The following MLLT1 variants were observed in gnomAD, a reference collection of about 807,000 sequenced individuals.
MLLT1 encodes the protein protein ENL.
A neutral mutation model predicts 55.1 loss-of-function variants in MLLT1; 11 were observed. The observed-to-expected ratio is 0.20, with a 90% CI of 0.13 to 0.33. The LOEUF (loss-of-function observed/expected upper bound fraction) is 0.33. Among genes scored for constraint, MLLT1 ranks in the 10% least tolerant of loss-of-function variants. MLLT1 has a pLI of 1.00. For synonymous variants in MLLT1, 323 were observed against 320.1 expected (o/e 1.01, Z -0.10); for missense variants, 536 against 760.6 (o/e 0.70, Z 3.47).
At position 6,230,766 on chromosome 19, in the gene MLLT1, G is replaced by A. The variant is rs182990279; in HGVS notation, c.277-53C>T. 35 of 1,603,402 alleles carry A rather than the reference G, an allele frequency of 2.2e-5. No homozygotes were observed. The East Asian group carries it at 6.9e-4, about 32-fold the overall frequency. On this transcript the variant is annotated intron_variant, in intron 3 of 11. Transcript: ENST00000252674. This position sits in a 1 kb window ranked among gnomAD's most constrained non-coding sequence, Gnocchi z 9.0. The stretch of plus-strand genomic sequence containing the variant: ...CATCAGAGGGTGGCCGTGGTGCAGG[G>A]ACACAGCTCCCCATTGGCCCTGGTC...
At chr19:6,254,590 C>A (rs993229845) in intron 3 of MLLT1, among the ~76,000 whole-genome samples, 25 of 152,170 alleles carry the variant, frequency 1.6e-4, no homozygotes, top group African/African-American at 5.8e-4. Context: ...TGCAGGACCC[C>A]CAAGTGGTGT....
intron 8 of MLLT1, among the ~76,000 whole-genome samples, chr19:6,216,082 C>T (rs1227500484): frequency 6.6e-6 from 1 of 152,146 alleles, no homozygotes; most frequent in Non-Finnish European, 1.5e-5. Flanking sequence ...CCTCCCCCCA[C>T]CTCCAGCCTG....
At chr19:6,266,905 A>C (rs2091353241) in intron 2 of MLLT1, among the ~76,000 whole-genome samples, 1 of 152,188 alleles carries the variant, frequency 6.6e-6, no homozygotes, top group African/African-American at 2.4e-5. Context: ...TGGCTGGATA[A>C]GAGTCCGTTG....
intron 3 of MLLT1, among the ~76,000 whole-genome samples, chr19:6,243,565 C>T (rs1044085855): frequency 6.6e-6 from 1 of 152,148 alleles, no homozygotes; most frequent in Non-Finnish European, 1.5e-5. Context: ...CCAGAGGACT[C>T]GACCCCTTAT....
In MLLT1 at chr19:6,262,416, C is replaced by T; in HGVS notation, c.194-106G>A. 2.3e-6 allele frequency: 2 copies of T among 885,948 alleles called. No individual in the cohort carries two copies. The highest frequency in any genetic ancestry group is 1.7e-5 in the African/African-American group (1 of 60,046). 54.9% of individuals were successfully genotyped at this position (885,948 alleles called of 1,614,324 possible). ...CAACCCCACCACCTCCTCACAGGGG[C>T]TTGGCTGGCCTCTCGGGGGTGGCTT... is the stretch of plus-strand genomic sequence containing the variant. On this transcript the variant is annotated intron_variant, in intron 2 of 11. Coordinates refer to ENST00000252674, the MANE Select transcript of MLLT1 (RefSeq NM_005934.4). The surrounding 1 kb of genome is among the most constrained non-coding windows in gnomAD (Gnocchi z 4.4).
At chr19:6,253,153 T>TAC (rs1239594722) in intron 3 of MLLT1, among the ~76,000 whole-genome samples, 3 of 149,242 alleles carry the variant, frequency 2.0e-5, no homozygotes, top group Non-Finnish European at 4.4e-5. Flanking sequence ...TAGTCCCAGC[T>TAC]ACTCGGGAGG....
intron 1 of MLLT1, among the ~76,000 whole-genome samples, chr19:6,276,553 C>T (rs1228978520): frequency 6.6e-6 from 1 of 152,100 alleles, no homozygotes; most frequent in East Asian, 1.9e-4. Context: ...ATGCTGACAC[C>T]ACCTCCCAGC....
rs2090879339 is a variant in MLLT1 at position 6,219,921 on chromosome 19, T to C, written c.1111-1880A>G. ...ATCCAAGGGGCAGGGAGGAAAAGAA[T>C]CCGGAAATGGTCTCAGCCAGAAGAG... On this transcript the variant is annotated intron_variant, in intron 6 of 11. Coordinates refer to ENST00000252674, the MANE Select transcript of MLLT1 (RefSeq NM_005934.4). This position sits in a 1 kb window ranked among gnomAD's most constrained non-coding sequence, Gnocchi z 4.5. Among the ~76,000 whole-genome samples the C allele has an allele frequency of 6.6e-6, 1 of 151,900 alleles. No homozygotes were observed. The highest frequency in any genetic ancestry group is 6.6e-5 in the Admixed American group (1 of 15,264).
At chr19:6,243,667 C>CT (rs2091137345) in intron 3 of MLLT1, among the ~76,000 whole-genome samples, 3 of 152,126 alleles carry the variant, frequency 2.0e-5, no homozygotes, top group African/African-American at 7.2e-5. Context: ...GCCCCAGCCC[C>CT]GCTTCATCAC....
intron 6 of MLLT1, among the ~76,000 whole-genome samples, chr19:6,218,716 G>A (rs1221670161): frequency 1.3e-5 from 2 of 152,244 alleles, no homozygotes; most frequent in East Asian, 3.8e-4. Flanking sequence ...CCAGGACAGA[G>A]GGTGACAGTG....
At chr19:6,239,039 C>T (rs1401275789) in intron 3 of MLLT1, among the ~76,000 whole-genome samples, 5 of 152,358 alleles carry the variant, frequency 3.3e-5, no homozygotes, top group Admixed American at 3.3e-4. Flanking sequence ...GGTTTCGTGG[C>T]ATCTGGCCAT....
chr19:6,230,030 C>A lies in MLLT1; in HGVS notation c.420+540G>T, dbSNP rs1287233632. ...ACGCCCCCCTCCTCCATAACCACCA[C>A]CAGCCCTGCGCCCACCCTGTTGCCA... On this transcript the variant is annotated intron_variant, in intron 4 of 11. Transcript: ENST00000252674. This position sits in a 1 kb window ranked among gnomAD's most constrained non-coding sequence, Gnocchi z 9.0. Among the ~76,000 whole-genome samples the A allele has an allele frequency of 6.6e-6, 1 of 152,112 alleles. No individual in the cohort carries two copies. Among genetic ancestry groups the A allele is most frequent in the Non-Finnish European group, 1.5e-5 (1 of 68,022 alleles).
chr19:6,212,731 A>T lies in MLLT1; in HGVS notation c.*311T>A. On this transcript the variant is annotated 3_prime_UTR_variant, in exon 12 of 12. Coordinates refer to ENST00000252674, the MANE Select transcript of MLLT1 (RefSeq NM_005934.4). Reference sequence around the variant, plus strand: ...CCGCCGAGCAGTGGGGGCTGGTCCCAAGGCTGGGCGAGGGGCCCCCGGCCC... The same window carrying T: ...CCGCCGAGCAGTGGGGGCTGGTCCCTAGGCTGGGCGAGGGGCCCCCGGCCC... The T allele has an allele frequency of 1.7e-6, 2 of 1,159,160 alleles. No homozygotes were observed. Among genetic ancestry groups the T allele is most frequent in the African/African-American group, 1.6e-5 (1 of 61,934 alleles). The allele number at this position is 1,159,160 out of a possible 1,614,324, so 71.8% of individuals were successfully genotyped here. A position where few individuals can be genotyped will look rare whatever the true frequency, so the allele number is the denominator to read the frequency against.
At chr19:6,269,982 A>C (rs565650539) in intron 2 of MLLT1, among the ~76,000 whole-genome samples, 1 of 151,914 alleles carries the variant, frequency 6.6e-6, no homozygotes, top group African/African-American at 2.4e-5. Flanking sequence ...CCTAGGGCTC[A>C]CTTCCCCAGG....
intron 2 of MLLT1, among the ~76,000 whole-genome samples, chr19:6,268,586 G>C (rs1219473287): frequency 6.6e-6 from 1 of 152,212 alleles, no homozygotes; most frequent in Non-Finnish European, 1.5e-5. Context: ...TCAATCCAGA[G>C]GCTGGAGTGC....
chr19:6,242,716 G>A lies in MLLT1; in HGVS notation c.277-12003C>T, dbSNP rs918979631. 3.9e-5 allele frequency among the ~76,000 whole-genome samples: 6 copies of A among 152,234 alleles called. No homozygotes were observed. The East Asian group carries it at 9.7e-4, about 25-fold the overall frequency. ...CGTCAGGGGCAGGGCAAGTTTTACC[G>A]CCCCAAACAGCCACACTCCCCTTTC... On this transcript the variant is annotated intron_variant, in intron 3 of 11. Transcript: ENST00000252674.
rs985514082 is a variant in MLLT1, at chr19:6,212,138, G to C, written c.*904C>G. On this transcript the variant is annotated 3_prime_UTR_variant, in exon 12 of 12. Transcript: ENST00000252674. The stretch of plus-strand genomic sequence containing the variant: ...ATGGGAGGAGGCCGAGCCCCAGGGC[G>C]GCTGATGCGAGTCTGTCCGCGGAGA... 1 of 1,065,994 alleles carries C rather than the reference G, an allele frequency of 9.4e-7. No individual in the cohort carries two copies. Among genetic ancestry groups the C allele is most frequent in the Non-Finnish European group, 1.1e-6 (1 of 879,472 alleles). 66.0% of individuals were successfully genotyped at this position (1,065,994 alleles called of 1,614,324 possible).
chr19:6,234,942 G>C (rs895985920), intron 3 of MLLT1, among the ~76,000 whole-genome samples: 7 of 151,868 alleles, frequency 4.6e-5, no homozygotes, highest in African/African-American at 1.7e-4. Flanking sequence ...GGCATATTGA[G>C]AGACTAAGGG....
intron 3 of MLLT1, among the ~76,000 whole-genome samples, chr19:6,245,205 T>C (rs2091155866): frequency 6.7e-6 from 1 of 150,024 alleles, no homozygotes; most frequent in Non-Finnish European, 1.5e-5. Context: ...CTTTTCTTTT[T>C]TTCCTTTCTT....
Sources: allele counts gnomAD v4.1 joint callset (sites outside exome capture counted in the v4.1 genomes callset), GRCh38; gene constraint gnomAD v4.1.1; non-coding constraint Gnocchi (gnomAD v3.1); transcripts MANE v1.5; gene names NCBI Gene and HGNC (gene_info 2026-07-23, HGNC 2026-07-21).